The following CDH6 variants were observed in gnomAD, a reference collection of about 807,000 sequenced individuals.
CDH6 encodes cadherin 6, also known as cadherin-6.
In CDH6, 31 loss-of-function variants were observed where a neutral mutation model predicts 78.0. The observed-to-expected ratio is 0.40, with a 90% confidence interval of 0.30 to 0.54. The LOEUF is 0.54. CDH6 is among the 20% of genes least tolerant of loss of function. The pLI, the probability that CDH6 is intolerant of heterozygous loss-of-function variation, is 0.56. For missense variants in CDH6, 724 were observed against 975.9 expected (o/e 0.74, Z 3.44); for synonymous variants, 376 against 368.8 (o/e 1.02, Z -0.23).
intron 1 of CDH6, among the ~76,000 whole-genome samples, chr5:31,244,363 G>T (rs939480939): frequency 6.6e-6 from 1 of 152,166 alleles, no homozygotes; most frequent in Non-Finnish European, 1.5e-5. Context: ...CCTTTGGAAG[G>T]CTCTGTTATT....
intron 2 of CDH6, among the ~76,000 whole-genome samples, chr5:31,276,711 ACTGT>A (rs1213614112): frequency 6.6e-6 from 1 of 152,154 alleles, no homozygotes; most frequent in African/African-American, 2.4e-5. Context: ...GCATGAGCAG[ACTGT>A]CTATGTTTCA....
chr5:31,248,225 C>G (rs1302674823), intron 1 of CDH6, among the ~76,000 whole-genome samples: 1 of 152,122 alleles, frequency 6.6e-6, no homozygotes, highest in Non-Finnish European at 1.5e-5. Flanking sequence ...TAAAAGCAGA[C>G]CTCAAAGCAA....
At chr5:31,293,612 A>C (rs2149947300) in intron 2 of CDH6, among the ~76,000 whole-genome samples, 1 of 152,288 alleles carries the variant, frequency 6.6e-6, no homozygotes, top group African/African-American at 2.4e-5. Context: ...TGAAAGCTGT[A>C]GTGAAAAATA....
At chr5:31,244,016 C>A (rs939451243) in intron 1 of CDH6, among the ~76,000 whole-genome samples, 1 of 152,112 alleles carries the variant, frequency 6.6e-6, no homozygotes, top group Non-Finnish European at 1.5e-5. Context: ...GTTTTTATGG[C>A]CAAATCAAAC....
At chr5:31,222,221 C>A (rs1269268594) in intron 1 of CDH6, among the ~76,000 whole-genome samples, 1 of 152,048 alleles carries the variant, frequency 6.6e-6, no homozygotes, top group Non-Finnish European at 1.5e-5. Context: ...ACTGTTAATA[C>A]CTGATACATA....
intron 1 of CDH6, among the ~76,000 whole-genome samples, chr5:31,238,549 A>G (rs1291073649): frequency 1.3e-5 from 2 of 152,224 alleles, no homozygotes; most frequent in Non-Finnish European, 2.9e-5. Flanking sequence ...AATCCTAACA[A>G]TTACTGCAAT....
chr5:31,291,708 T>A (rs1277065221), intron 2 of CDH6, among the ~76,000 whole-genome samples: 3 of 152,230 alleles, frequency 2.0e-5, no homozygotes, highest in African/African-American at 7.2e-5. Context: ...AATAGCTTTT[T>A]AAGAGCCTCT....
intron 1 of CDH6, among the ~76,000 whole-genome samples, chr5:31,248,133 G>A (rs1439189980): frequency 6.6e-6 from 1 of 152,098 alleles, no homozygotes; most frequent in African/African-American, 2.4e-5. Context: ...TATCCACTCT[G>A]GCCAGGAAAG....
chr5:31,290,833 C>T (rs552696800), intron 2 of CDH6, among the ~76,000 whole-genome samples: 85 of 152,176 alleles, frequency 5.6e-4, no homozygotes, highest in African/African-American at 2.0e-3. Flanking sequence ...TACTATCAGA[C>T]GATGCAAAGA....
intron 1 of CDH6, among the ~76,000 whole-genome samples, chr5:31,197,958 C>G (rs1390230923): frequency 6.6e-6 from 1 of 152,144 alleles, no homozygotes; most frequent in Non-Finnish European, 1.5e-5. Context: ...CAGGTTCTCT[C>G]TAATTAGCTA....
chr5:31,204,736 C>T lies in CDH6; in HGVS notation c.-129+10850C>T, dbSNP rs12055267. Among the ~76,000 whole-genome samples the T allele has an allele frequency of 2.0e-5, 3 of 151,974 alleles. No homozygotes were observed. In the East Asian group the frequency reaches 5.8e-4, roughly 29 times the overall value. ...CCAATCACAGAAGATGAGAGCCAAA[C>T]CTGTCCCGTTTTGGATTTTAAAATA... On this transcript the variant is annotated intron_variant, in intron 1 of 11. Coordinates refer to ENST00000265071, the MANE Select transcript of CDH6 (RefSeq NM_004932.4).
At chr5:31,229,111 C>T (rs1245668226) in intron 1 of CDH6, among the ~76,000 whole-genome samples, 1 of 152,178 alleles carries the variant, frequency 6.6e-6, no homozygotes, top group East Asian at 1.9e-4. Context: ...ACCAACTGCC[C>T]AAACTATATC....
At chr5:31,206,988 A>T (rs1271393580) in intron 1 of CDH6, among the ~76,000 whole-genome samples, 1 of 152,058 alleles carries the variant, frequency 6.6e-6, no homozygotes, top group Admixed American at 6.6e-5. Context: ...TTCCCCAGTG[A>T]TTTTGCCACA....
At chr5:31,229,102 C>CATTTTATTTAATCTA (rs1741244226) in intron 1 of CDH6, among the ~76,000 whole-genome samples, 1 of 152,190 alleles carries the variant, frequency 6.6e-6, no homozygotes, top group Non-Finnish European at 1.5e-5. Flanking sequence ...TCCAAGGGTA[C>CATTTTATTTAATCTA]CAACTGCCCA....
intron 1 of CDH6, among the ~76,000 whole-genome samples, chr5:31,242,387 C>G (rs1311330694): frequency 6.6e-6 from 1 of 152,162 alleles, no homozygotes; most frequent in African/African-American, 2.4e-5. Context: ...TCTCTCAACT[C>G]TTGCTGGAAC....
At chr5:31,237,517 A>G (rs1030918528) in intron 1 of CDH6, among the ~76,000 whole-genome samples, 6 of 152,220 alleles carry the variant, frequency 3.9e-5, no homozygotes, top group African/African-American at 1.4e-4. Flanking sequence ...TTTATTCCTC[A>G]CCAACAGTAA....
intron 7 of CDH6, among the ~76,000 whole-genome samples, chr5:31,308,582 A>G (rs28444645): frequency 0.056 from 8,559 of 152,214 alleles, 257 homozygotes; most frequent in South Asian, 0.097. Context: ...AGGAAAAAAC[A>G]ACAAACAAGC....
chr5:31,317,057 G>A (rs1311358277), intron 9 of CDH6, among the ~76,000 whole-genome samples: 1 of 152,106 alleles, frequency 6.6e-6, no homozygotes, highest in South Asian at 2.1e-4. Flanking sequence ...TTTCCTCCCT[G>A]GGGATATTTA....
rs80095246 is a variant in CDH6, at chr5:31,260,709, G to C, written c.-128-6637G>C. ...CAAAAATATATATCAGGCATCATTTGGTGGCTCTTGCCATAATGATTCATT... is the reference window on the plus strand; with the variant it reads ...CAAAAATATATATCAGGCATCATTTCGTGGCTCTTGCCATAATGATTCATT... On this transcript the variant is annotated intron_variant, in intron 1 of 11. Transcript: ENST00000265071. Among the ~76,000 whole-genome samples, 686 of 152,294 alleles carry C rather than the reference G, an allele frequency of 4.5e-3. 11 individuals carry two copies. The South Asian group carries it at 0.054, about 12-fold the overall frequency.
Sources: gnomAD v4.1 joint callset for allele counts (sites outside exome capture counted in the v4.1 genomes callset) on GRCh38, gnomAD v4.1.1 for gene constraint, MANE v1.5 for transcripts, NCBI Gene and HGNC (gene_info 2026-07-23, HGNC 2026-07-21) for gene names.